The following CAVIN4 variants were observed in gnomAD, a reference collection of about 807,000 sequenced individuals.
The protein encoded by CAVIN4 is caveolae-associated protein 4.
A neutral mutation model predicts 18.6 loss-of-function variants in CAVIN4; 10 were observed. The ratio of observed to expected loss-of-function variants is 0.54; its 90% CI spans 0.33 to 0.91. The LOEUF (loss-of-function observed/expected upper bound fraction) is 0.91, where lower values mean the gene tolerates loss of function less well. Ranked by LOEUF, CAVIN4 falls within the 40% of genes least tolerant of loss-of-function variation. The pLI, the probability that CAVIN4 is intolerant of heterozygous loss-of-function variation, is 0.02. For synonymous variants in CAVIN4, 173 were observed against 164.8 expected (o/e 1.05, Z -0.38); for missense variants, 459 against 440.5 (o/e 1.04, Z -0.38).
At position 100,587,698 on chromosome 9, in the gene CAVIN4, G is replaced by C. The variant is rs1468173053; in HGVS notation, c.*1247G>C. ...ACCTGAGGTCAGAAGTTCACGACCA[G>C]CCTGACCAACATGGCGAAACCCTGA... On this transcript the variant is annotated 3_prime_UTR_variant, in exon 2 of 2. Transcript: ENST00000307584. 1 of 152,276 alleles carries C rather than the reference G, an allele frequency of 6.6e-6. No individual in the cohort carries two copies. Among genetic ancestry groups the C allele is most frequent in the African/African-American group, 2.4e-5 (1 of 41,436 alleles). The allele number at this position is 152,276 out of a possible 1,614,324, so 9.4% of individuals were successfully genotyped here.
chr9:100,583,352 C>T (rs540076775), intron 1 of CAVIN4, among the ~76,000 whole-genome samples: 1 of 152,270 alleles, frequency 6.6e-6, no homozygotes, highest in East Asian at 1.9e-4. Flanking sequence ...CTGCTCAGGC[C>T]ATGTACTTGA....
At chr9:100,578,893 A>G (rs1420896967) in intron 1 of CAVIN4, among the ~76,000 whole-genome samples, 1 of 152,204 alleles carries the variant, frequency 6.6e-6, no homozygotes, top group African/African-American at 2.4e-5. Context: ...AAATGTTAGA[A>G]CTAGAAGAAG....
Position 100,586,360 on chromosome 9 carries a change from C to T in CAVIN4, c.1004C>T (p.Pro335Leu), listed in dbSNP as rs1381571256. The change falls in exon 2 of 2, where the codon CCC (proline) becomes CTC (leucine). Residue 335 changes from proline (P) to leucine (L), a missense_variant. Transcript: ENST00000307584. ...VYPPHEGREIPTPEPLKVTFK... is the reference protein window; with the variant it reads ...VYPPHEGREILTPEPLKVTFK... ...CCTCCCCATGAAGGAAGGGAAATCC[C>T]CACCCCCGAGCCTTTAAAAGTTACT... 1 of 1,613,988 alleles carries T rather than the reference C, an allele frequency of 6.2e-7. No individual in the cohort carries two copies. Among genetic ancestry groups the T allele is most frequent in the Non-Finnish European group, 8.5e-7 (1 of 1,179,996 alleles).
chr9:100,580,933 G>A (rs1181744482), intron 1 of CAVIN4: 1 of 152,186 alleles, frequency 6.6e-6, no homozygotes, highest in Non-Finnish European at 1.5e-5. Flanking sequence ...GTTAAAATTA[G>A]TTATAATTAA....
chr9:100,584,436 C>A (rs1353957045), intron 1 of CAVIN4, among the ~76,000 whole-genome samples: 1 of 152,234 alleles, frequency 6.6e-6, no homozygotes, highest in Non-Finnish European at 1.5e-5. Context: ...ATCCAATAAT[C>A]ATTTATTGAG....
rs775564969 is a variant in CAVIN4 at position 100,578,591 on chromosome 9, C to G, written c.408+40C>G. 1.7e-5 allele frequency: 27 copies of G among 1,604,308 alleles called. No individual in the cohort carries two copies. In the South Asian group the frequency reaches 2.3e-4, roughly 14 times the overall value. Reference sequence around the variant, plus strand: ...GTGTTCAGCTTGCTTGTTCTAATCTCTTGCATCTTTTAATTGCCAAAAGTC... The same window carrying G: ...GTGTTCAGCTTGCTTGTTCTAATCTGTTGCATCTTTTAATTGCCAAAAGTC... On this transcript the variant is annotated intron_variant, in intron 1 of 1. Transcript: ENST00000307584.
At chr9:100,582,463 A>G (rs780346251) in intron 1 of CAVIN4, among the ~76,000 whole-genome samples, 54 of 152,014 alleles carry the variant, frequency 3.6e-4, no homozygotes, top group Admixed American at 1.4e-3. Context: ...TTCCTTCTTC[A>G]GCCTTCCAAG....
chr9:100,583,616 TATTCATTCATTCATTCATTC>T (rs143666288), intron 1 of CAVIN4, among the ~76,000 whole-genome samples: 56,972 of 141,784 alleles, frequency 0.4, 11,353 homozygotes, highest in Admixed American at 0.48. Flanking sequence ...GCAAGCCATT[TATTCATTCATTCATTCATTC>T]ATTCATTCAT....
chr9:100,583,289 C>T (rs1485626725), intron 1 of CAVIN4, among the ~76,000 whole-genome samples: 2 of 152,202 alleles, frequency 1.3e-5, no homozygotes, highest in African/African-American at 4.8e-5. Context: ...CCCCTCCAGT[C>T]TCTTCCTCCT....
At chr9:100,578,659 T>C (rs889983668) in intron 1 of CAVIN4, 108 bp downstream of exon 1, 32 of 1,068,188 alleles carry the variant, frequency 3.0e-5, no homozygotes, top group Non-Finnish European at 4.1e-5. Context: ...ATTGTATATA[T>C]TAATACAATG....
chr9:100,585,472 C>G (rs1207209695), intron 1 of CAVIN4, among the ~76,000 whole-genome samples: 4 of 152,134 alleles, frequency 2.6e-5, no homozygotes, highest in Non-Finnish European at 5.9e-5. Context: ...GTCTGCCCAT[C>G]ATTCACACAT....
In CAVIN4 at chr9:100,588,019, G is replaced by A. The variant is rs1034682733; in HGVS notation, c.*1568G>A. On this transcript the variant is annotated 3_prime_UTR_variant, in exon 2 of 2. Coordinates refer to ENST00000307584, the MANE Select transcript of CAVIN4 (RefSeq NM_001018116.2). ...GTTGAATTTGAAGAGTTGGGACAACGATCAGCTATCCCACTTTTTTTCTCA... is the reference window on the plus strand; with the variant it reads ...GTTGAATTTGAAGAGTTGGGACAACAATCAGCTATCCCACTTTTTTTCTCA... The A allele has an allele frequency of 2.0e-5, 3 of 152,238 alleles. No homozygotes were observed. The highest frequency in any genetic ancestry group is 4.8e-5 in the African/African-American group (2 of 41,458). The allele number at this position is 152,238 out of a possible 1,614,324, so 9.4% of individuals were successfully genotyped here. A position where few individuals can be genotyped will look rare whatever the true frequency, so the allele number is the denominator to read the frequency against.
chr9:100,584,018 G>A lies in CAVIN4; in HGVS notation c.409-1747G>A, dbSNP rs184722603. Among the ~76,000 whole-genome samples, 227 of 152,090 alleles carry A rather than the reference G, an allele frequency of 1.5e-3. 2 individuals carry two copies. The highest frequency in any genetic ancestry group is 3.4e-3 in the Middle Eastern group (1 of 294). On this transcript the variant is annotated intron_variant, in intron 1 of 1. Transcript: ENST00000307584. ...TGGATACAGAGCATTGCATGACCTG[G>A]ACCACCTGCTATCTCTCTTACCCTC... is the stretch of plus-strand genomic sequence containing the variant.
intron 1 of CAVIN4, among the ~76,000 whole-genome samples, chr9:100,585,442 T>C (rs1839465926): frequency 6.6e-6 from 1 of 152,202 alleles, no homozygotes; most frequent in Non-Finnish European, 1.5e-5. Flanking sequence ...GATGACTGTG[T>C]AACCTCAAAC....
In CAVIN4 at chr9:100,585,904, G is replaced by A. The variant is rs1839471018; in HGVS notation, c.548G>A (p.Arg183Lys). 5 of 1,614,148 alleles carry A rather than the reference G, an allele frequency of 3.1e-6. No homozygotes were observed. The East Asian group carries it at 1.1e-4, about 36-fold the overall frequency. ...SDEEYYVEESRSARLRKSGKE... is the reference protein window; with the variant it reads ...SDEEYYVEESKSARLRKSGKE... The stretch of plus-strand genomic sequence containing the variant: ...GAAGAATATTATGTTGAAGAAAGCA[G>A]ATCTGCCAGGCTTAGGAAGTCAGGC... The change falls in exon 2 of 2, where the codon AGA (arginine) becomes AAA (lysine). Residue 183 changes from arginine (R) to lysine (K), a missense_variant. Arg to Lys is a conservative substitution (Grantham distance 26). Transcript: ENST00000307584.
chr9:100,585,635 A>G, intron 1 of CAVIN4, 130 bp from the exon 2 acceptor site: 2 of 761,430 alleles, frequency 2.6e-6, no homozygotes, highest in South Asian at 3.1e-5. Flanking sequence ...ACCCTAAGAA[A>G]TGGTAACATT....
At position 100,578,433 on chromosome 9, in the gene CAVIN4, G is replaced by A. The variant is rs200276650; in HGVS notation, c.290G>A (p.Ser97Asn). The change falls in exon 1 of 2, where the codon AGT (serine) becomes AAT (asparagine). Residue 97 changes from serine to asparagine, a missense_variant. Ser to Asn is a conservative substitution (Grantham distance 46). Coordinates refer to ENST00000307584, the MANE Select transcript of CAVIN4 (RefSeq NM_001018116.2). ...NKLFEKTRKVSAHIKDVKARV... is the reference protein window; with the variant it reads ...NKLFEKTRKVNAHIKDVKARV... ...TTGTTTGAGAAAACCCGAAAAGTTA[G>A]TGCTCACATTAAAGATGTGAAAGCC... 263 of 1,614,128 alleles carry A rather than the reference G, an allele frequency of 1.6e-4. 1 individual carries two copies. The highest frequency in any genetic ancestry group is 1.4e-4 in the Non-Finnish European group (170 of 1,180,006).
At chr9:100,583,160 G>T (rs534375360) in intron 1 of CAVIN4, among the ~76,000 whole-genome samples, 1 of 151,946 alleles carries the variant, frequency 6.6e-6, no homozygotes. Context: ...CCTAAATTTG[G>T]GTGTCTAGCC....
intron 1 of CAVIN4, among the ~76,000 whole-genome samples, chr9:100,584,507 A>G (rs949576637): frequency 2.0e-5 from 3 of 152,222 alleles, no homozygotes; most frequent in African/African-American, 7.2e-5. Flanking sequence ...AATAAGACAC[A>G]TGATCTCTGC....
Sources: gnomAD v4.1 joint callset for allele counts (sites outside exome capture counted in the v4.1 genomes callset) on GRCh38, gnomAD v4.1.1 for gene constraint, MANE v1.5 for transcripts, NCBI Gene and HGNC (gene_info 2026-07-23, HGNC 2026-07-21) for gene names.